The following CFAP210 variants were observed in gnomAD, a reference collection of about 807,000 sequenced individuals.
CFAP210 encodes the protein cilia- and flagella- associated protein 210.
At chr2:169,670,219 T>G in the CFAP210 span, among the ~76,000 whole-genome samples, 1 of 152,218 alleles carries the variant, frequency 6.6e-6, no homozygotes, top group Non-Finnish European at 1.5e-5. Context: ...GTTAAGTTTC[T>G]TTTTAATAAT....
the CFAP210 span, among the ~76,000 whole-genome samples, chr2:169,646,898 G>A: frequency 6.6e-6 from 1 of 152,026 alleles, no homozygotes; most frequent in Admixed American, 6.6e-5. Context: ...TTTAAGAAAT[G>A]TTGAGTTTAT....
the CFAP210 span, among the ~76,000 whole-genome samples, chr2:169,692,444 GCACACACACACACACACACA>G: frequency 1.4e-5 from 2 of 143,668 alleles, no homozygotes; most frequent in African/African-American, 5.2e-5. Context: ...ACAGGCGCAC[GCACACACACACACACACACA>G]CACACACACA....
the CFAP210 span, among the ~76,000 whole-genome samples, chr2:169,672,187 CA>C: frequency 3.9e-5 from 6 of 152,284 alleles, no homozygotes; most frequent in Non-Finnish European, 5.9e-5. Flanking sequence ...TACACTTAAA[CA>C]AATATATAAT....
At chr2:169,678,453 C>T in the CFAP210 span, among the ~76,000 whole-genome samples, 2 of 151,884 alleles carry the variant, frequency 1.3e-5, no homozygotes, top group Non-Finnish European at 2.9e-5. Context: ...TAACTATCTC[C>T]AAATTGATCT....
the CFAP210 span, among the ~76,000 whole-genome samples, chr2:169,651,025 G>A: frequency 7.3e-5 from 11 of 151,552 alleles, no homozygotes; most frequent in East Asian, 1.8e-3. Context: ...TCAGGAGTTC[G>A]AGACTAGCCT....
the CFAP210 span, among the ~76,000 whole-genome samples, chr2:169,656,899 AG>A: frequency 8.2e-6 from 1 of 122,446 alleles, no homozygotes; most frequent in Non-Finnish European, 1.6e-5. Flanking sequence ...TGGGAGGCAG[AG>A]GTTGCAGTGA....
At chr2:169,681,652 T>C in the CFAP210 span, among the ~76,000 whole-genome samples, 1 of 152,218 alleles carries the variant, frequency 6.6e-6, no homozygotes, top group Admixed American at 6.5e-5. Context: ...CTGACTCTAC[T>C]CAACCTCTTC....
At chr2:169,687,789 G>A in the CFAP210 span, among the ~76,000 whole-genome samples, 1 of 152,226 alleles carries the variant, frequency 6.6e-6, no homozygotes, top group Non-Finnish European at 1.5e-5. Flanking sequence ...CCCCATTAGG[G>A]ACTCTACGTG....
At chr2:169,677,447 A>G in the CFAP210 span, among the ~76,000 whole-genome samples, 1 of 152,222 alleles carries the variant, frequency 6.6e-6, no homozygotes, top group Non-Finnish European at 1.5e-5. Flanking sequence ...ACAAACTAGA[A>G]AATAAGAACC....
At chr2:169,652,692 A>G in the CFAP210 span, among the ~76,000 whole-genome samples, 54 of 152,070 alleles carry the variant, frequency 3.6e-4, no homozygotes, top group African/African-American at 1.3e-3. Flanking sequence ...GACAGTAAAC[A>G]AAATAAATAG....
At chr2:169,657,869 C>G in the CFAP210 span, among the ~76,000 whole-genome samples, 1 of 152,048 alleles carries the variant, frequency 6.6e-6, no homozygotes, top group East Asian at 1.9e-4. Flanking sequence ...GAATTCTGAA[C>G]CCAGAATTCT....
At chr2:169,672,560 C>T in the CFAP210 span, among the ~76,000 whole-genome samples, 7 of 152,194 alleles carry the variant, frequency 4.6e-5, no homozygotes, top group Admixed American at 1.3e-4. Context: ...GCTGCTGGTG[C>T]AAGTCCCAGA....
the CFAP210 span, among the ~76,000 whole-genome samples, chr2:169,692,992 C>T: frequency 1.3e-5 from 2 of 152,206 alleles, no homozygotes; most frequent in East Asian, 3.8e-4. Flanking sequence ...AGTAAACACT[C>T]TACAAATTGT....
the CFAP210 span, among the ~76,000 whole-genome samples, chr2:169,660,083 T>TA: frequency 1.8e-3 from 267 of 148,144 alleles, no homozygotes; most frequent in Non-Finnish European, 2.8e-3. Context: ...TGTTTATCTT[T>TA]AAAAAAAAAA....
chr2:169,669,233 T>C, the CFAP210 span, among the ~76,000 whole-genome samples: 27 of 151,942 alleles, frequency 1.8e-4, no homozygotes, highest in Non-Finnish European at 4.0e-4. Flanking sequence ...AAGAGCTTGG[T>C]AGATGTTCGA....
the CFAP210 span, chr2:169,694,301 T>C: frequency 7.7e-5 from 124 of 1,613,910 alleles, 1 homozygote; most frequent in Admixed American, 2.0e-3. Flanking sequence ...GTCCAAACCG[T>C]ACCAGCATCT....
the CFAP210 span, among the ~76,000 whole-genome samples, chr2:169,686,329 C>T: frequency 6.6e-6 from 1 of 152,094 alleles, no homozygotes; most frequent in Non-Finnish European, 1.5e-5. Context: ...TTGTCAATAT[C>T]AACAAAAAAG....
the CFAP210 span, among the ~76,000 whole-genome samples, chr2:169,679,581 T>C: frequency 2.0e-5 from 3 of 147,972 alleles, no homozygotes; most frequent in Non-Finnish European, 3.0e-5. Flanking sequence ...CTCAGGAGGC[T>C]GAGGCAGGAG....
the CFAP210 span, among the ~76,000 whole-genome samples, chr2:169,693,616 G>A: frequency 1.4e-4 from 22 of 152,230 alleles, no homozygotes; most frequent in African/African-American, 5.3e-4. Context: ...AGAAACTGTT[G>A]TAGCTAGAAT....
Sources: allele counts gnomAD v4.1 joint callset (sites outside exome capture counted in the v4.1 genomes callset), GRCh38; gene constraint gnomAD v4.1.1; transcripts MANE v1.5; gene names NCBI Gene and HGNC (gene_info 2026-07-23, HGNC 2026-07-21).